NELL1: variants seen among roughly 807,000 people sequenced by gnomAD.
The protein encoded by NELL1 is protein kinase C-binding protein NELL1.
A neutral mutation model predicts 107.4 loss-of-function variants in NELL1; 76 were observed. That is an observed-to-expected ratio of 0.71 (90% CI 0.59 to 0.86). The LOEUF (loss-of-function observed/expected upper bound fraction) is 0.86. NELL1 is among the 40% of genes least tolerant of loss of function. The pLI, the probability that NELL1 is intolerant of heterozygous loss-of-function variation, is 0.00. For synonymous variants in NELL1, 353 were observed against 341.2 expected (o/e 1.03, Z -0.38); for missense variants, 1,024 against 1,005.5 (o/e 1.02, Z -0.25).
At chr11:21,558,613 A>G (rs116416860) in intron 16 of NELL1, among the ~76,000 whole-genome samples, 2,718 of 152,130 alleles carry the variant, frequency 0.018, 90 homozygotes, top group African/African-American at 0.062. Context: ...ATTAGATGGC[A>G]TTTATATGCT....
In NELL1 at chr11:20,883,873, A is replaced by C. The variant is rs4405305; in HGVS notation, c.507-1571A>C. 8.5e-3 allele frequency among the ~76,000 whole-genome samples: 1,292 copies of C among 152,254 alleles called. 21 individuals are homozygous for C. Among genetic ancestry groups the C allele is most frequent in the African/African-American group, 0.029 (1,225 of 41,556 alleles). On this transcript the variant is annotated intron_variant, in intron 4 of 19. Transcript: ENST00000357134. ...TTTTCCACTAATGTTAGGAGAAAAA[A>C]TTTTAAAGGAAGTGTGTATCATGCT... is the stretch of plus-strand genomic sequence containing the variant.
chr11:21,165,388 C>A (rs777635036), intron 13 of NELL1, among the ~76,000 whole-genome samples: 6 of 152,198 alleles, frequency 3.9e-5, no homozygotes, highest in Non-Finnish European at 8.8e-5. Flanking sequence ...CCCTTAGGAT[C>A]CAACCTTCTG....
At chr11:21,132,917 G>A (rs142273688) in intron 13 of NELL1, among the ~76,000 whole-genome samples, 173 of 152,276 alleles carry the variant, frequency 1.1e-3, no homozygotes, top group African/African-American at 4.0e-3. Context: ...AAACTGGAGG[G>A]TGAGCAAGGT....
At chr11:21,054,752 T>C (rs1853574875) in intron 12 of NELL1, among the ~76,000 whole-genome samples, 3 of 152,200 alleles carry the variant, frequency 2.0e-5, no homozygotes, top group East Asian at 3.9e-4. Flanking sequence ...CAAATTGATG[T>C]CCTTTGCTCA....
intron 12 of NELL1, among the ~76,000 whole-genome samples, chr11:20,969,300 A>C (rs970730870): frequency 7.2e-5 from 11 of 152,150 alleles, no homozygotes; most frequent in African/African-American, 2.4e-4. Flanking sequence ...CAAAATTCAC[A>C]GTTTCCCCTG....
intron 2 of NELL1, among the ~76,000 whole-genome samples, chr11:20,754,349 A>G (rs1856211324): frequency 6.6e-6 from 1 of 152,204 alleles, no homozygotes; most frequent in Non-Finnish European, 1.5e-5. Context: ...GAACAAACAT[A>G]TCCTAAGAAT....
intron 15 of NELL1, among the ~76,000 whole-genome samples, chr11:21,445,974 A>G (rs1853416067): frequency 1.3e-5 from 2 of 151,450 alleles, no homozygotes; most frequent in Non-Finnish European, 2.9e-5. Context: ...ATGTCCAATG[A>G]CTCTTAGATT....
chr11:21,475,180 A>G (rs541431668), intron 15 of NELL1, among the ~76,000 whole-genome samples: 2 of 152,322 alleles, frequency 1.3e-5, no homozygotes, highest in East Asian at 3.9e-4. Flanking sequence ...TGGTTATAAC[A>G]CAACTTCCAT....
At chr11:21,087,936 A>G (rs892944491) in intron 12 of NELL1, among the ~76,000 whole-genome samples, 23 of 152,224 alleles carry the variant, frequency 1.5e-4, no homozygotes, top group Admixed American at 3.9e-4. Flanking sequence ...CTGGCCCTTT[A>G]TAAGAAAACT....
chr11:21,435,827 A>T (rs1278741809), intron 15 of NELL1, among the ~76,000 whole-genome samples: 1 of 150,906 alleles, frequency 6.6e-6, no homozygotes, highest in Non-Finnish European at 1.5e-5. Context: ...TCCATGTCTG[A>T]TGTTGGTATA....
chr11:20,727,128 G>T (rs1342024488), intron 2 of NELL1, among the ~76,000 whole-genome samples: 1 of 152,100 alleles, frequency 6.6e-6, no homozygotes, highest in Non-Finnish European at 1.5e-5. Context: ...GGGATGGCTG[G>T]GTCAAATGGT....
intron 15 of NELL1, among the ~76,000 whole-genome samples, chr11:21,468,346 C>T (rs1442823890): frequency 6.6e-6 from 1 of 152,002 alleles, no homozygotes; most frequent in African/African-American, 2.4e-5. Context: ...CTTAATTATG[C>T]ATCCTTAGTT....
At chr11:21,112,300 T>C (rs1855126060) in intron 12 of NELL1, among the ~76,000 whole-genome samples, 1 of 152,120 alleles carries the variant, frequency 6.6e-6, no homozygotes, top group South Asian at 2.1e-4. Context: ...CAATATATTT[T>C]ATTAGGAAAT....
intron 14 of NELL1, among the ~76,000 whole-genome samples, chr11:21,255,388 G>C (rs950781713): frequency 2.0e-5 from 3 of 152,152 alleles, no homozygotes; most frequent in African/African-American, 7.2e-5. Flanking sequence ...AGGCAAATAG[G>C]CTTTTCTGCT....
chr11:20,981,721 T>C (rs1044290466), intron 12 of NELL1, among the ~76,000 whole-genome samples: 20 of 152,028 alleles, frequency 1.3e-4, no homozygotes, highest in Admixed American at 7.9e-4. Flanking sequence ...AAAGTGTAGA[T>C]GTGTGGTAGA....
At chr11:21,070,731 G>T in intron 12 of NELL1, among the ~76,000 whole-genome samples, 1 of 152,106 alleles carries the variant, frequency 6.6e-6, no homozygotes, top group East Asian at 1.9e-4. Context: ...AATAGTTCAT[G>T]ATGAGTTGCA....
At chr11:21,339,219 T>C (rs757245801) in intron 14 of NELL1, among the ~76,000 whole-genome samples, 19 of 152,218 alleles carry the variant, frequency 1.2e-4, no homozygotes, top group Middle Eastern at 3.2e-3. Context: ...TAATCCATTA[T>C]AAGAAGAGGA....
At chr11:20,671,188 T>G (rs1389489108) in intron 1 of NELL1, 1 of 152,296 alleles carries the variant, frequency 6.6e-6, no homozygotes, top group East Asian at 1.9e-4. Context: ...TAGCTTAGAA[T>G]AGTTGCTTCT....
In NELL1 at chr11:20,792,007, G is replaced by A. The variant is rs577170631; in HGVS notation, c.335+8177G>A. Among the ~76,000 whole-genome samples, 22 of 151,958 alleles carry A rather than the reference G, an allele frequency of 1.4e-4. No individual in the cohort carries two copies. In the South Asian group the frequency reaches 3.9e-3, roughly 27 times the overall value. On this transcript the variant is annotated intron_variant, in intron 3 of 19. Transcript: ENST00000357134. ...AATCCTTTTTCTATTTTATGGATTC[G>A]ATTTGATAGTATATTGTTGAGGACT...
Sources: allele counts gnomAD v4.1 joint callset (sites outside exome capture counted in the v4.1 genomes callset), GRCh38; gene constraint gnomAD v4.1.1; transcripts MANE v1.5; gene names NCBI Gene and HGNC (gene_info 2026-07-23, HGNC 2026-07-21).